Variants in ZEB2 observed in about 807,000 individuals in gnomAD.
The protein encoded by ZEB2 is zinc finger E-box-binding homeobox 2.
In ZEB2, 6 loss-of-function variants were observed where a neutral mutation model predicts 99.9. The observed-to-expected ratio is 0.06, with a 90% confidence interval of 0.03 to 0.12. ZEB2 has a LOEUF of 0.12. ZEB2 is among the 10% of genes least tolerant of loss of function. The pLI is 1.00. For synonymous variants in ZEB2, 517 were observed against 542.5 expected (o/e 0.95, Z 0.65); for missense variants, 969 against 1,502.8 (o/e 0.64, Z 5.87).
intron 2 of ZEB2, chr2:144,511,858 T>C: frequency 7.8e-7 from 1 of 1,287,262 alleles, no homozygotes; most frequent in South Asian, 1.2e-5. Context: ...CCCTCTGCTC[T>C]GAATTATTTT....
intron 2 of ZEB2, among the ~76,000 whole-genome samples, chr2:144,441,560 AG>A (rs1703918596): frequency 1.3e-5 from 2 of 151,554 alleles, no homozygotes; most frequent in Non-Finnish European, 2.9e-5. Context: ...AAAAAAAAAA[AG>A]GAGTAAATTT....
intron 2 of ZEB2, among the ~76,000 whole-genome samples, chr2:144,508,256 A>G (rs1485445726): frequency 6.6e-6 from 1 of 152,162 alleles, no homozygotes; most frequent in Non-Finnish European, 1.5e-5. Flanking sequence ...AGATGCTTTC[A>G]AATAGGATTC....
chr2:144,483,400 C>A (rs1367359665), intron 2 of ZEB2, among the ~76,000 whole-genome samples: 1 of 152,140 alleles, frequency 6.6e-6, no homozygotes, highest in Non-Finnish European at 1.5e-5. Flanking sequence ...GCACCTTGTA[C>A]AATATTAAAC....
chr2:144,453,705 C>T (rs1397742658), intron 2 of ZEB2, among the ~76,000 whole-genome samples: 2 of 152,168 alleles, frequency 1.3e-5, no homozygotes, highest in African/African-American at 4.8e-5. Context: ...CACCCCCTCA[C>T]CCCTTTTGTG....
intron 2 of ZEB2, 55 bp downstream of exon 2, chr2:144,517,223 C>G (rs1334786669): frequency 3.6e-5 from 58 of 1,608,560 alleles, no homozygotes; most frequent in Non-Finnish European, 4.8e-5. Flanking sequence ...CTCCTTCTCC[C>G]TGGGTCTCGA....
chr2:144,518,086 AC>A (rs938856910), intron 1 of ZEB2: 26 of 79,924 alleles, frequency 3.3e-4, no homozygotes, highest in South Asian at 1.0e-3. Context: ...CCTTTACCCC[AC>A]CCCCCCTCGC....
intron 2 of ZEB2, chr2:144,512,517 T>C: frequency 7.8e-7 from 1 of 1,287,216 alleles, no homozygotes; most frequent in Non-Finnish European, 1.0e-6. Flanking sequence ...CACTGAAACC[T>C]ATGACATAGC....
At position 144,384,824 on chromosome 2, in the gene ZEB2, C is replaced by T. The variant is rs1703059314; in HGVS notation, c.*4627G>A. The T allele has an allele frequency of 6.6e-6, 1 of 152,082 alleles. No individual in the cohort carries two copies. Among genetic ancestry groups the T allele is most frequent in the African/African-American group, 2.4e-5 (1 of 41,418 alleles). The allele number at this position is 152,082 out of a possible 1,614,324, so 9.4% of individuals were successfully genotyped here. On this transcript the variant is annotated 3_prime_UTR_variant, in exon 10 of 10. Coordinates refer to ENST00000627532, the MANE Select transcript of ZEB2 (RefSeq NM_014795.4). ...TTAATTGAAAAAACCAAAGCTAAGC[C>T]TTCAGTCTGAATCTTTTTTTATGAT...
At chr2:144,398,017 C>G in intron 8 of ZEB2, 1 of 376,336 alleles carries the variant, frequency 2.7e-6, no homozygotes, top group Non-Finnish European at 5.1e-6. Flanking sequence ...CAAATATTTT[C>G]ACCAAAGTTT....
chr2:144,388,890 G>GAAAA lies in ZEB2; in HGVS notation c.*557_*560dup. 1.2e-5 allele frequency: 4 copies of GAAAA among 332,474 alleles called. No homozygotes were observed. The highest frequency in any genetic ancestry group is 2.0e-4 in the East Asian group (2 of 10,000). 20.6% of individuals were successfully genotyped at this position (332,474 alleles called of 1,614,324 possible). ...ATGCATCACTTCAAGTTCCTTCACAGAAAAAAAAAAAAATTGAGGCCTAAA... is the reference window on the plus strand; with the variant it reads ...ATGCATCACTTCAAGTTCCTTCACAGAAAAAAAAAAAAAAAAATTGAGGCCTAAA... On this transcript the variant is annotated 3_prime_UTR_variant, in exon 10 of 10. Coordinates refer to ENST00000627532, the MANE Select transcript of ZEB2 (RefSeq NM_014795.4). This position sits in a 1 kb window ranked among gnomAD's most constrained non-coding sequence, Gnocchi z 5.4.
At chr2:144,467,413 C>T (rs1169018342) in intron 2 of ZEB2, among the ~76,000 whole-genome samples, 1 of 152,088 alleles carries the variant, frequency 6.6e-6, no homozygotes, top group Non-Finnish European at 1.5e-5. Flanking sequence ...GATTCTTCAC[C>T]TTTTTGGAGG....
At chr2:144,414,966 G>GTT (rs33912939) in intron 4 of ZEB2, among the ~76,000 whole-genome samples, 4 of 150,054 alleles carry the variant, frequency 2.7e-5, no homozygotes, top group African/African-American at 9.8e-5. Flanking sequence ...GTGTGTGTGT[G>GTT]TTTGTATATG....
intron 4 of ZEB2, among the ~76,000 whole-genome samples, chr2:144,413,244 T>C (rs1295322714): frequency 6.6e-6 from 1 of 152,208 alleles, no homozygotes; most frequent in Non-Finnish European, 1.5e-5. Flanking sequence ...ATTTTGGAAG[T>C]GCCTGGAAAC....
At chr2:144,440,076 T>TA (rs2149895195) in intron 2 of ZEB2, among the ~76,000 whole-genome samples, 1 of 152,326 alleles carries the variant, frequency 6.6e-6, no homozygotes, top group East Asian at 1.9e-4. Flanking sequence ...GACTCTTTTG[T>TA]AAAAGAACTT....
chr2:144,478,681 CT>C (rs1198637501), intron 2 of ZEB2, among the ~76,000 whole-genome samples: 1 of 152,236 alleles, frequency 6.6e-6, no homozygotes, highest in African/African-American at 2.4e-5. Flanking sequence ...ATGAAACTTT[CT>C]TTTTCTCTCA....
At chr2:144,392,212 A>G (rs904778596) in intron 9 of ZEB2, among the ~76,000 whole-genome samples, 2 of 152,236 alleles carry the variant, frequency 1.3e-5, no homozygotes, top group African/African-American at 4.8e-5. Context: ...TCTTTTGGAT[A>G]CTAATGTCTC....
intron 2 of ZEB2, among the ~76,000 whole-genome samples, chr2:144,441,542 T>TAA (rs1245139980): frequency 2.2e-3 from 252 of 114,530 alleles, no homozygotes; most frequent in South Asian, 0.01. Context: ...ATTAATTTTC[T>TAA]AAAAAAAAAA....
rs772118840 is a variant in ZEB2, at chr2:144,404,138, C to G, written c.593-8G>C. ...GAGTTCCAGGTGGCAGGTCTGTAGCCGAGAGACAGAGAGAGAGAGAAGCGG... is the reference window on the plus strand; with the variant it reads ...GAGTTCCAGGTGGCAGGTCTGTAGCGGAGAGACAGAGAGAGAGAGAAGCGG... On this transcript the variant is annotated splice_region_variant and splice_polypyrimidine_tract_variant and intron_variant, in intron 5 of 9. Transcript: ENST00000627532. 2 of 1,613,506 alleles carry G rather than the reference C, an allele frequency of 1.2e-6. No individual in the cohort carries two copies. The highest frequency in any genetic ancestry group is 1.7e-6 in the Non-Finnish European group (2 of 1,179,960).
chr2:144,390,569 G>A (rs75698195), intron 9 of ZEB2: 1 of 200,162 alleles, frequency 5.0e-6, no homozygotes, highest in East Asian at 1.3e-4. Context: ...AGAGGAAAGA[G>A]GATGTCAAGA....
Sources: allele counts gnomAD v4.1 joint callset (sites outside exome capture counted in the v4.1 genomes callset), GRCh38; gene constraint gnomAD v4.1.1; non-coding constraint Gnocchi (gnomAD v3.1); transcripts MANE v1.5; gene names NCBI Gene and HGNC (gene_info 2026-07-23, HGNC 2026-07-21).